Variants in GUCY1A1 observed in about 807,000 individuals in gnomAD.
GUCY1A1 encodes the protein guanylate cyclase soluble subunit alpha-1.
GUCY1A1 carries 48 observed loss-of-function variants against 64.5 expected under a neutral mutation model. The ratio of observed to expected loss-of-function variants is 0.74; its 90% CI spans 0.59 to 0.95. The LOEUF is 0.95. GUCY1A1 is among the 40% of genes least tolerant of loss of function. The pLI is 0.00. For missense variants in GUCY1A1, 804 were observed against 825.3 expected, an observed-to-expected ratio of 0.97 and a Z score of 0.32; for synonymous variants, 308 against 303.4, an observed-to-expected ratio of 1.02 and a Z score of -0.16.
rs1384617 is a variant in GUCY1A1 at position 155,734,332 on chromosome 4, A to C, written c.*4101A>C. On this transcript the variant is annotated 3_prime_UTR_variant, in exon 10 of 10. Transcript: ENST00000506455. ...GTGCTGTATAATGCTTTAAATCCACAATCAAGCCCTTGTTGATGCAAATGT... is the reference window on the plus strand; with the variant it reads ...GTGCTGTATAATGCTTTAAATCCACCATCAAGCCCTTGTTGATGCAAATGT... 76,666 of 151,738 alleles carry C rather than the reference A, an allele frequency of 0.51. 21,117 individuals are homozygous for C. The highest frequency in any genetic ancestry group is 0.73 in the African/African-American group (30,337 of 41,438). The allele number at this position is 151,738 out of a possible 1,614,324, so 9.4% of individuals were successfully genotyped here.
chr4:155,719,574 A>G, intron 8 of GUCY1A1, among the ~76,000 whole-genome samples: 1 of 152,268 alleles, frequency 6.6e-6, no homozygotes, highest in Non-Finnish European at 1.5e-5. Context: ...AGAATAGAAA[A>G]TATTTTCTTT....
At chr4:155,703,107 T>A (rs1169774908) in intron 3 of GUCY1A1, among the ~76,000 whole-genome samples, 3 of 152,076 alleles carry the variant, frequency 2.0e-5, no homozygotes, top group Non-Finnish European at 2.9e-5. Context: ...TTCCACTTAT[T>A]TATTAGAGAC....
At chr4:155,680,048 A>G (rs1735515227) in intron 2 of GUCY1A1, among the ~76,000 whole-genome samples, 1 of 152,206 alleles carries the variant, frequency 6.6e-6, no homozygotes, top group Admixed American at 6.5e-5. Context: ...CTATGTCATC[A>G]ATGAAATCTT....
At chr4:155,707,576 A>G (rs1244768201) in intron 4 of GUCY1A1, among the ~76,000 whole-genome samples, 1 of 151,608 alleles carries the variant, frequency 6.6e-6, no homozygotes. Flanking sequence ...TCCACTGAAT[A>G]CTTACAGCTT....
At chr4:155,670,256 A>T (rs533083775) in intron 2 of GUCY1A1, among the ~76,000 whole-genome samples, 198 of 152,206 alleles carry the variant, frequency 1.3e-3, no homozygotes, top group African/African-American at 4.6e-3. Context: ...GTAAAAACAA[A>T]TTTTTTCCCC....
chr4:155,717,252 A>T lies in GUCY1A1; in HGVS notation c.1666A>T (p.Met556Leu). The T allele has an allele frequency of 6.3e-7, 1 of 1,599,212 alleles. No individual in the cohort carries two copies. Among genetic ancestry groups the T allele is most frequent in the Non-Finnish European group, 8.5e-7 (1 of 1,170,894 alleles). The change falls in exon 8 of 10, where the codon ATG becomes TTG. Residue 556 changes from methionine to leucine, a missense_variant. Transcript: ENST00000506455. ...TCAGATAGCGCTGATGGCCCTGAAGATGATGGAGCTCTCTGATGAAGTTAT... is the reference window on the plus strand; with the variant it reads ...TCAGATAGCGCTGATGGCCCTGAAGTTGATGGAGCTCTCTGATGAAGTTAT... ...AVQIALMALK[M>L]MELSDEVMSP...
chr4:155,712,607 G>T (rs1732720640), intron 6 of GUCY1A1, among the ~76,000 whole-genome samples: 1 of 152,042 alleles, frequency 6.6e-6, no homozygotes, highest in South Asian at 2.1e-4. Context: ...TTCCATACCT[G>T]CCAGATGGAG....
chr4:155,683,362 A>C (rs1014613860), intron 2 of GUCY1A1, among the ~76,000 whole-genome samples: 1 of 152,196 alleles, frequency 6.6e-6, no homozygotes, highest in Admixed American at 6.5e-5. Context: ...AATGGAAAAA[A>C]ATTGAATAAA....
At chr4:155,719,656 C>A (rs934396282) in intron 8 of GUCY1A1, among the ~76,000 whole-genome samples, 9 of 151,986 alleles carry the variant, frequency 5.9e-5, no homozygotes, top group Admixed American at 5.2e-4. Flanking sequence ...TCATTTATTC[C>A]CATTGATTTC....
intron 2 of GUCY1A1, among the ~76,000 whole-genome samples, chr4:155,679,691 A>T (rs1172937977): frequency 1.3e-5 from 2 of 152,218 alleles, no homozygotes; most frequent in East Asian, 3.9e-4. Flanking sequence ...ATTTCAACAT[A>T]AAGTTTGGAA....
In GUCY1A1 at chr4:155,710,746, A is replaced by G. The variant is rs370964781; in HGVS notation, c.581A>G (p.Asp194Gly). 6.2e-7 allele frequency: 1 copy of G among 1,614,052 alleles called. No homozygotes were observed. Among genetic ancestry groups the G allele is most frequent in the Non-Finnish European group, 8.5e-7 (1 of 1,179,934 alleles). The change falls in exon 6 of 10, where the codon GAT becomes GGT. Residue 194 changes from aspartate (D) to glycine (G), a missense_variant. Physicochemically the swap from Asp to Gly is moderately conservative, Grantham distance 94. Coordinates refer to ENST00000506455, the MANE Select transcript of GUCY1A1 (RefSeq NM_001130682.3). Reference protein sequence around the residue: ...RLEDASILCLDKEDDFLHVYY... With the variant: ...RLEDASILCLGKEDDFLHVYY... ...GAGGACGCCTCCATTCTATGCCTGG[A>G]TAAGGAGGATGATTTTCTACATGTT...
chr4:155,673,648 G>T (rs1164651246), intron 2 of GUCY1A1, among the ~76,000 whole-genome samples: 1 of 151,422 alleles, frequency 6.6e-6, no homozygotes, highest in East Asian at 1.9e-4. Context: ...GCATGTGTGT[G>T]TTTGATGTGT....
At chr4:155,676,336 A>G (rs1282427967) in intron 2 of GUCY1A1, among the ~76,000 whole-genome samples, 2 of 137,248 alleles carry the variant, frequency 1.5e-5, no homozygotes, top group African/African-American at 2.9e-5. Context: ...TTTGTTGCCT[A>G]TTAGTTTTCT....
Position 155,732,477 on chromosome 4 carries a change from G to A in GUCY1A1, c.*2246G>A, listed in dbSNP as rs545723552. On this transcript the variant is annotated 3_prime_UTR_variant, in exon 10 of 10. Transcript: ENST00000506455. ...TACATTTCCATGACAGAGTCCATAC[G>A]AAATTCACAATTTAGATGCTAAAAA... is the stretch of plus-strand genomic sequence containing the variant. 2.9e-4 allele frequency: 44 copies of A among 153,420 alleles called. No individual in the cohort carries two copies. The highest frequency in any genetic ancestry group is 9.7e-4 in the African/African-American group (40 of 41,400). 9.5% of individuals were successfully genotyped at this position (153,420 alleles called of 1,614,324 possible). A position where few individuals can be genotyped will look rare whatever the true frequency, so the allele number is the denominator to read the frequency against.
At chr4:155,700,468 A>G (rs1334254733) in intron 3 of GUCY1A1, among the ~76,000 whole-genome samples, 1 of 152,206 alleles carries the variant, frequency 6.6e-6, no homozygotes, top group East Asian at 1.9e-4. Flanking sequence ...AAACCACACC[A>G]ATGATATTTT....
intron 2 of GUCY1A1, among the ~76,000 whole-genome samples, chr4:155,673,723 T>G (rs1412269241): frequency 1.3e-5 from 2 of 151,452 alleles, no homozygotes; most frequent in African/African-American, 4.9e-5. Flanking sequence ...AGCTTTGAAG[T>G]ATTTATTTGT....
chr4:155,726,813 T>C (rs547721796), intron 9 of GUCY1A1, among the ~76,000 whole-genome samples: 1 of 152,118 alleles, frequency 6.6e-6, no homozygotes, highest in African/African-American at 2.4e-5. Context: ...GGAAAACTAA[T>C]AGAGACTAGT....
chr4:155,731,046 TTAAAATGCAGTAATACTATTCAAATC>T lies in GUCY1A1; in HGVS notation c.*819_*844del, dbSNP rs1236122342. On this transcript the variant is annotated 3_prime_UTR_variant, in exon 10 of 10. Coordinates refer to ENST00000506455, the MANE Select transcript of GUCY1A1 (RefSeq NM_001130682.3). ...GAATAAAAGAGGTTTATATCTTCTA[TTAAAATGCAGTAATACTATTCAAATC>T]TAATTTAGCTGGAAGCAACATGGGA... 3.3e-5 allele frequency: 5 copies of T among 153,356 alleles called. No homozygotes were observed. The highest frequency in any genetic ancestry group is 7.4e-5 in the Non-Finnish European group (5 of 67,864). 9.5% of individuals were successfully genotyped at this position (153,356 alleles called of 1,614,324 possible). A position where few individuals can be genotyped will look rare whatever the true frequency, so the allele number is the denominator to read the frequency against.
rs867111825 is a variant in GUCY1A1, at chr4:155,732,956, G to T, written c.*2725G>T. On this transcript the variant is annotated 3_prime_UTR_variant, in exon 10 of 10. Transcript: ENST00000506455. ...TACTGAACTTTTCTAAAGATGCTTT[G>T]CATCAAGAAGCAAAGGGAAATACAG... 1.3e-5 allele frequency among the ~76,000 whole-genome samples: 2 copies of T among 151,808 alleles called. No homozygotes were observed. The highest frequency in any genetic ancestry group is 4.8e-5 in the African/African-American group (2 of 41,372).
Sources: allele counts gnomAD v4.1 joint callset (sites outside exome capture counted in the v4.1 genomes callset), GRCh38; gene constraint gnomAD v4.1.1; transcripts MANE v1.5; gene names NCBI Gene and HGNC (gene_info 2026-07-23, HGNC 2026-07-21).